Variants in TTC21B observed in about 807,000 individuals in gnomAD.
The protein encoded by TTC21B is tetratricopeptide repeat domain 21B.
A neutral mutation model predicts 175.1 loss-of-function variants in TTC21B; 127 were observed. The observed-to-expected ratio is 0.73, with a 90% confidence interval of 0.63 to 0.84. TTC21B has a LOEUF of 0.84. Among genes scored for constraint, TTC21B ranks in the 40% least tolerant of loss-of-function variants. The probability of loss-of-function intolerance (pLI) is 0.00; values close to 1 mark genes in which losing one functional copy is unlikely to be tolerated. For missense variants in TTC21B, 1,561 were observed against 1,558.3 expected (o/e 1.00, Z -0.03); for synonymous variants, 524 against 524.5 (o/e 1.00, Z 0.01).
At chr2:165,916,126 AAAAACTAGCTGGGCATGGCCC>A (rs1299145606) in intron 14 of TTC21B, among the ~76,000 whole-genome samples, 2 of 152,182 alleles carry the variant, frequency 1.3e-5, no homozygotes, top group Non-Finnish European at 2.9e-5. Context: ...AAAATATTTT[AAAAACTAGCTGGGCATGGCCC>A]AGCTACTTGA....
intron 27 of TTC21B, 140 bp from the exon 28 acceptor site, chr2:165,876,372 A>G (rs1397171351): frequency 3.1e-6 from 2 of 653,110 alleles, no homozygotes; most frequent in Non-Finnish European, 5.6e-6. Flanking sequence ...CGCTATACAG[A>G]GAAGTTGTGT....
intron 1 of TTC21B, 32 bp downstream of exon 1, chr2:165,953,653 C>CCGCTCACA (rs1358608043): frequency 1.3e-6 from 2 of 1,533,442 alleles, no homozygotes; most frequent in South Asian, 2.4e-5. Flanking sequence ...GCCCGCCCGC[C>CCGCTCACA]CGCTCACCCG....
At chr2:165,927,284 ATCCTAGTAG>A (rs1559064837) in intron 11 of TTC21B, among the ~76,000 whole-genome samples, 1 of 51,828 alleles carries the variant, frequency 1.9e-5, no homozygotes, top group East Asian at 7.1e-4. Context: ...ATATATATAT[ATCCTAGTAG>A]TTATATATAT....
chr2:165,880,827 A>G, intron 26 of TTC21B, 28 bp from the exon 27 acceptor site: 1 of 1,606,620 alleles, frequency 6.2e-7, no homozygotes. Flanking sequence ...ACATCAATAG[A>G]TTAAACTTGA....
rs1469256611 is a variant in TTC21B at position 165,901,624 on chromosome 2, A to C, written c.2757+98T>G. 8 of 1,222,750 alleles carry C rather than the reference A, an allele frequency of 6.5e-6. No homozygotes were observed. In the Admixed American group the frequency reaches 1.4e-4, roughly 21 times the overall value. The allele number at this position is 1,222,750 out of a possible 1,614,324, so 75.7% of individuals were successfully genotyped here. On this transcript the variant is annotated intron_variant, in intron 20 of 28. Transcript: ENST00000243344. The stretch of plus-strand genomic sequence containing the variant: ...AGGCATCAGCCACTGCACCCTGCCT[A>C]CATCTTCTTTTAAAATAAGCTGGTA...
rs73969726 is a variant in TTC21B at position 165,911,043 on chromosome 2, C to T, written c.2461+284G>A. On this transcript the variant is annotated intron_variant, in intron 18 of 28. Transcript: ENST00000243344. ...CTTTTTAAAAAAGATTACAAAAATG[C>T]TAATGTGTTTAAATATGAGATAGCT... 2.3e-3 allele frequency among the ~76,000 whole-genome samples: 356 copies of T among 152,008 alleles called. 1 individual carries two copies. The highest frequency in any genetic ancestry group is 8.3e-3 in the African/African-American group (345 of 41,472).
At position 165,929,722 on chromosome 2, in the gene TTC21B, T is replaced by G. The variant is rs773750065; in HGVS notation, c.1113A>C (p.Glu371Asp). The stretch of plus-strand genomic sequence containing the variant: ...GCTGATCTGCATCCTGTAATTGCCC[T>G]TCTATCAACTGACATTGGATAAATC... ...LVGFIQCQLIEGQLQDADQQL... is the reference protein window; with the variant it reads ...LVGFIQCQLIDGQLQDADQQL... Residue 371 changes from glutamate (E) to aspartate (D), a missense_variant, in exon 10 of 29, where the codon GAA (glutamate) becomes GAC (aspartate). By Grantham distance (45) the Glu-to-Asp change is conservative. Coordinates refer to ENST00000243344, the MANE Select transcript of TTC21B (RefSeq NM_024753.5). 6.2e-7 allele frequency: 1 copy of G among 1,612,334 alleles called. No homozygotes were observed. Among genetic ancestry groups the G allele is most frequent in the Non-Finnish European group, 8.5e-7 (1 of 1,178,950 alleles).
intron 20 of TTC21B, among the ~76,000 whole-genome samples, chr2:165,901,475 C>G (rs915576690): frequency 1.3e-5 from 2 of 152,012 alleles, no homozygotes; most frequent in African/African-American, 2.4e-5. Context: ...AGGCGCCCCC[C>G]ACCACGCTGG....
chr2:165,876,174 T>C lies in TTC21B; in HGVS notation c.3864A>G (p.Ile1288Met). Reference sequence around the variant, plus strand: ...AAATTTAAGTGTTTACCTGGTGACATATGTCAATTGAATCCACATATCTTT... The same window carrying C: ...AAATTTAAGTGTTTACCTGGTGACACATGTCAATTGAATCCACATATCTTT... ...KAKRYVDSID[I>M]CHQVLEAHPT... Residue 1288 changes from isoleucine (I) to methionine (M), a missense_variant, in exon 28 of 29, where the codon ATA becomes ATG. Transcript: ENST00000243344. 6.3e-7 allele frequency: 1 copy of C among 1,597,558 alleles called. No individual in the cohort carries two copies. The highest frequency in any genetic ancestry group is 1.3e-5 in the African/African-American group (1 of 74,722).
chr2:165,876,121 T>G (rs1466835518), intron 28 of TTC21B, 44 bp downstream of exon 28: 2 of 1,138,372 alleles, frequency 1.8e-6, no homozygotes, highest in Non-Finnish European at 2.7e-6. Flanking sequence ...AGTAGGAAAT[T>G]GTGCATCTGA....
chr2:165,923,379 C>T (rs1486378490), intron 12 of TTC21B, among the ~76,000 whole-genome samples: 2 of 151,420 alleles, frequency 1.3e-5, no homozygotes, highest in African/African-American at 2.4e-5. Context: ...GTTTTACAAA[C>T]GTTATTTACT....
intron 5 of TTC21B, among the ~76,000 whole-genome samples, chr2:165,941,428 T>C (rs756501275): frequency 2.6e-5 from 4 of 152,128 alleles, no homozygotes; most frequent in Non-Finnish European, 5.9e-5. Context: ...AAGGATAAAA[T>C]TTTTTAAAAT....
intron 22 of TTC21B, among the ~76,000 whole-genome samples, chr2:165,896,568 G>C (rs946890818): frequency 6.6e-6 from 1 of 152,158 alleles, no homozygotes; most frequent in African/African-American, 2.4e-5. Flanking sequence ...CAGAGAGCAA[G>C]AAGTGGTGCT....
Position 165,953,696 on chromosome 2 carries a change from G to C in TTC21B, c.10C>G (p.Gln4Glu). The change falls in exon 1 of 29, where the codon CAG becomes GAG. Residue 4 changes from glutamine (Q) to glutamate (E), a missense_variant. Gln to Glu is a conservative substitution (Grantham distance 29). Coordinates refer to ENST00000243344, the MANE Select transcript of TTC21B (RefSeq NM_024753.5). MDS[Q>E]ELKTLINYYC... Reference sequence around the variant, plus strand: ...GCTCACCCGCTCACCTTCAATTCCTGCGAGTCCATGGCTGCCCCGAGGCCG... The same window carrying C: ...GCTCACCCGCTCACCTTCAATTCCTCCGAGTCCATGGCTGCCCCGAGGCCG... 7.9e-7 allele frequency: 1 copy of C among 1,266,352 alleles called. No homozygotes were observed. Among genetic ancestry groups the C allele is most frequent in the African/African-American group, 2.5e-5 (1 of 40,800 alleles). 78.4% of individuals were successfully genotyped at this position (1,266,352 alleles called of 1,614,324 possible).
intron 1 of TTC21B, among the ~76,000 whole-genome samples, chr2:165,951,877 T>A (rs73020730): frequency 2.1e-3 from 318 of 152,290 alleles, no homozygotes; most frequent in African/African-American, 7.4e-3. Flanking sequence ...TTTGACAGCA[T>A]TGAAAACTGA....
intron 11 of TTC21B, among the ~76,000 whole-genome samples, chr2:165,927,120 A>T (rs191702659): frequency 0.38 from 469 of 1,242 alleles, 28 homozygotes; most frequent in Middle Eastern, 0.5. Flanking sequence ...ATCCTAGTAG[A>T]TATATATATA....
rs773184397 is a variant in TTC21B, at chr2:165,945,577, T to C, written c.376A>G (p.Lys126Glu). 1 of 1,613,778 alleles carries C rather than the reference T, an allele frequency of 6.2e-7. No homozygotes were observed. The highest frequency in any genetic ancestry group is 8.5e-7 in the Non-Finnish European group (1 of 1,179,872). The change falls in exon 4 of 29, where the codon AAA (lysine) becomes GAA (glutamate). Residue 126 changes from lysine to glutamate, a missense_variant. Physicochemically the swap from Lys to Glu is moderately conservative, Grantham distance 56 (BLOSUM62 1). Transcript: ENST00000243344. ...LFLWHIGRHD[K>E]AREYIDRMIK... ...ATTCTGTCAATATATTCCCTTGCTT[T>C]ATCATGGCGACCAATGTGCCATAAA...
At chr2:165,924,518 A>G (rs1686548307) in intron 12 of TTC21B, 31 bp downstream of exon 12, 3 of 1,606,166 alleles carry the variant, frequency 1.9e-6, no homozygotes, top group African/African-American at 1.3e-5. Flanking sequence ...ATCAGAATAA[A>G]AAGGTTAAAA....
rs749543618 is a variant in TTC21B, at chr2:165,876,145, A to G, written c.3873+20T>C. 51 of 1,517,814 alleles carry G rather than the reference A, an allele frequency of 3.4e-5. No homozygotes were observed. Among genetic ancestry groups the G allele is most frequent in the Admixed American group, 2.3e-4 (14 of 59,848 alleles). 94.0% of individuals were successfully genotyped at this position (1,517,814 alleles called of 1,614,324 possible). On this transcript the variant is annotated intron_variant, in intron 28 of 28. Coordinates refer to ENST00000243344, the MANE Select transcript of TTC21B (RefSeq NM_024753.5). ...TTGTGCATCTGAAAAATTTTAAGAA[A>G]TCTAAATTTAAGTGTTTACCTGGTG... is the stretch of plus-strand genomic sequence containing the variant.
Sources: gnomAD v4.1 joint callset for allele counts (sites outside exome capture counted in the v4.1 genomes callset) on GRCh38, gnomAD v4.1.1 for gene constraint, MANE v1.5 for transcripts, NCBI Gene and HGNC (gene_info 2026-07-23, HGNC 2026-07-21) for gene names.